TMEM74: variants seen among roughly 807,000 people sequenced by gnomAD.
The protein encoded by TMEM74 is transmembrane protein 74.
A neutral mutation model predicts 18.1 loss-of-function variants in TMEM74; 13 were observed. The observed-to-expected ratio is 0.72, with a 90% CI of 0.47 to 1.14. The LOEUF is 1.14. Ranked by LOEUF, TMEM74 falls within the 50% of genes most tolerant of loss-of-function variation. The probability of loss-of-function intolerance (pLI) is 0.00; values close to 1 mark genes in which losing one functional copy is unlikely to be tolerated. For synonymous variants in TMEM74, 159 were observed against 146.6 expected (o/e 1.08, Z -0.61); for missense variants, 372 against 375.9 (o/e 0.99, Z 0.09).
intron 1 of TMEM74, among the ~76,000 whole-genome samples, chr8:108,737,662 A>G (rs1369944771): frequency 6.6e-6 from 1 of 152,178 alleles, no homozygotes; most frequent in Non-Finnish European, 1.5e-5. Context: ...GTGTCCTTAG[A>G]TCTCTGTAGC....
At chr8:108,613,496 C>T (rs1043702535) in intron 2 of TMEM74, among the ~76,000 whole-genome samples, 3 of 152,328 alleles carry the variant, frequency 2.0e-5, no homozygotes, top group Non-Finnish European at 2.9e-5. Flanking sequence ...ATGATAATCA[C>T]GAAATGGCTC....
At chr8:108,679,401 C>T (rs1054331263) in intron 1 of TMEM74, among the ~76,000 whole-genome samples, 1 of 152,188 alleles carries the variant, frequency 6.6e-6, no homozygotes, top group African/African-American at 2.4e-5. Context: ...ACATCCTCTC[C>T]AGCACCTGTT....
intron 1 of TMEM74, among the ~76,000 whole-genome samples, chr8:108,785,821 G>A (rs182388598): frequency 6.6e-6 from 1 of 152,246 alleles, no homozygotes; most frequent in Admixed American, 6.5e-5. Flanking sequence ...AAGACCATAT[G>A]CTGCTTATTC....
intron 1 of TMEM74, among the ~76,000 whole-genome samples, chr8:108,756,603 G>GAAAGAAAGAGA (rs1563543627): frequency 1.6e-4 from 7 of 44,308 alleles, no homozygotes; most frequent in African/African-American, 7.6e-4. Context: ...AAAGAGAAAG[G>GAAAGAAAGAGA]AAGGAAGGAA....
At chr8:108,654,892 A>G (rs1812806451) in intron 2 of TMEM74, among the ~76,000 whole-genome samples, 1 of 152,054 alleles carries the variant, frequency 6.6e-6, no homozygotes, top group Non-Finnish European at 1.5e-5. Flanking sequence ...GTTCCATCGT[A>G]TACTGTATGG....
chr8:108,677,942 A>G (rs569534541), intron 1 of TMEM74, among the ~76,000 whole-genome samples: 1 of 152,192 alleles, frequency 6.6e-6, no homozygotes, highest in South Asian at 2.1e-4. Context: ...ATTTTTTTCT[A>G]TTACTAACTT....
At chr8:108,766,868 G>A (rs991947011) in intron 1 of TMEM74, among the ~76,000 whole-genome samples, 2 of 152,292 alleles carry the variant, frequency 1.3e-5, no homozygotes, top group South Asian at 4.1e-4. Context: ...TCCAAAAGCT[G>A]AAGAAGTTGG....
intron 1 of TMEM74, among the ~76,000 whole-genome samples, chr8:108,708,984 T>C (rs1482885991): frequency 1.3e-5 from 2 of 152,106 alleles, no homozygotes; most frequent in Non-Finnish European, 2.9e-5. Flanking sequence ...ATAAGATAGA[T>C]ATCATGTCAC....
intron 1 of TMEM74, among the ~76,000 whole-genome samples, chr8:108,759,760 C>A (rs1196462413): frequency 6.6e-6 from 1 of 152,016 alleles, no homozygotes; most frequent in Non-Finnish European, 1.5e-5. Flanking sequence ...TGGAGGAGAA[C>A]TGAGAGAATG....
At position 108,784,398 on chromosome 8, in the gene TMEM74, G is replaced by T; in HGVS notation, c.701C>A (p.Ala234Glu). ...LGAHLDRCVI[A>E]GLCLLTLGGV... ...CCCCAGCGTGAGGAGGCAGAGCCCCGCAATCACACAGCGGTCCAGGTGAGC... is the reference window on the plus strand; with the variant it reads ...CCCCAGCGTGAGGAGGCAGAGCCCCTCAATCACACAGCGGTCCAGGTGAGC... The change falls in exon 2 of 2, where the codon GCG becomes GAG. Residue 234 changes from alanine to glutamate, a missense_variant. Transcript: ENST00000297459. 1.2e-6 allele frequency: 2 copies of T among 1,614,014 alleles called. No individual in the cohort carries two copies. The highest frequency in any genetic ancestry group is 1.1e-5 in the South Asian group (1 of 91,070).
At chr8:108,651,092 C>T (rs1327619451) in intron 2 of TMEM74, among the ~76,000 whole-genome samples, 1 of 152,082 alleles carries the variant, frequency 6.6e-6, no homozygotes, top group Non-Finnish European at 1.5e-5. Flanking sequence ...TCTTAATCTT[C>T]TCCATAGCGC....
At chr8:108,674,766 T>C (rs753872432) in intron 1 of TMEM74, among the ~76,000 whole-genome samples, 39 of 152,166 alleles carry the variant, frequency 2.6e-4, no homozygotes, top group Non-Finnish European at 4.9e-4. Flanking sequence ...ATGGCACCAC[T>C]CACATTGTCC....
chr8:108,689,005 G>A (rs1813198703), intron 1 of TMEM74, among the ~76,000 whole-genome samples: 1 of 152,184 alleles, frequency 6.6e-6, no homozygotes, highest in Non-Finnish European at 1.5e-5. Flanking sequence ...GGGGGTGATG[G>A]TGAACAGCAT....
At chr8:108,691,795 G>C (rs1161844891) in intron 1 of TMEM74, among the ~76,000 whole-genome samples, 1 of 152,136 alleles carries the variant, frequency 6.6e-6, no homozygotes, top group Admixed American at 6.5e-5. Context: ...AATGGATATA[G>C]GAGACATAAA....
At chr8:108,691,732 T>C (rs899298381) in intron 1 of TMEM74, among the ~76,000 whole-genome samples, 2 of 122,154 alleles carry the variant, frequency 1.6e-5, no homozygotes, top group Admixed American at 1.6e-4. Flanking sequence ...GGAGGAAATA[T>C]AGACAGGACA....
intron 1 of TMEM74, among the ~76,000 whole-genome samples, chr8:108,749,130 T>A (rs139410844): frequency 1.4e-3 from 216 of 151,926 alleles, no homozygotes; most frequent in African/African-American, 5.0e-3. Context: ...ATTTGGGCTC[T>A]TTTTTGGTTC....
At chr8:108,613,543 G>C (rs751759835) in intron 2 of TMEM74, among the ~76,000 whole-genome samples, 2 of 152,160 alleles carry the variant, frequency 1.3e-5, no homozygotes, top group African/African-American at 4.8e-5. Context: ...TCAAATCCAC[G>C]TATTTTTTTA....
chr8:108,785,286 C>T (rs534659234), intron 1 of TMEM74, 149 bp from the exon 2 acceptor site: 32 of 594,992 alleles, frequency 5.4e-5, no homozygotes, highest in African/African-American at 4.3e-4. Flanking sequence ...GGAGGGGATA[C>T]CTAGTGGCAG....
At chr8:108,682,982 G>A (rs925040735) in intron 1 of TMEM74, among the ~76,000 whole-genome samples, 3 of 151,572 alleles carry the variant, frequency 2.0e-5, no homozygotes, top group Non-Finnish European at 4.4e-5. Flanking sequence ...AATGAAGCAA[G>A]AAAAAAGATA....
Sources: allele counts gnomAD v4.1 joint callset (sites outside exome capture counted in the v4.1 genomes callset), GRCh38; gene constraint gnomAD v4.1.1; transcripts MANE v1.5; gene names NCBI Gene and HGNC (gene_info 2026-07-23, HGNC 2026-07-21).